The following FMN2 variants were observed in gnomAD, a reference collection of about 807,000 sequenced individuals.
FMN2 encodes formin 2.
FMN2 carries 51 observed loss-of-function variants against 142.3 expected under a neutral mutation model. The observed-to-expected ratio is 0.36, with a 90% CI of 0.29 to 0.45. The LOEUF is 0.45. FMN2 is among the 20% of genes least tolerant of loss of function. The probability of loss-of-function intolerance (pLI) is 1.00; values close to 1 mark genes in which losing one functional copy is unlikely to be tolerated. For missense variants in FMN2, 1,936 were observed against 2,122.8 expected (o/e 0.91, Z 1.73); for synonymous variants, 882 against 869.8 (o/e 1.01, Z -0.25).
At chr1:240,108,365 A>G (rs1044781638) in intron 1 of FMN2, among the ~76,000 whole-genome samples, 2 of 152,196 alleles carry the variant, frequency 1.3e-5, no homozygotes, top group African/African-American at 4.8e-5. Context: ...TTTCTATTTG[A>G]TCATAAATGG....
At chr1:240,269,844 A>G (rs1198197462) in intron 7 of FMN2, among the ~76,000 whole-genome samples, 3 of 151,822 alleles carry the variant, frequency 2.0e-5, no homozygotes, top group African/African-American at 7.3e-5. Flanking sequence ...GACTGTTGTT[A>G]GTGTATAGAA....
intron 8 of FMN2, among the ~76,000 whole-genome samples, chr1:240,327,187 T>G (rs1208624782): frequency 6.6e-6 from 1 of 152,204 alleles, no homozygotes; most frequent in African/African-American, 2.4e-5. Context: ...ATATTTGCAG[T>G]GAAATGTACC....
At position 240,093,045 on chromosome 1, in the gene FMN2, C is replaced by G. The variant is rs934144264; in HGVS notation, c.936C>G (p.Pro312=). The G allele has an allele frequency of 2.2e-6, 3 of 1,392,974 alleles. No individual in the cohort carries two copies. Among genetic ancestry groups the G allele is most frequent in the African/African-American group, 3.1e-5 (2 of 65,290 alleles). The allele number at this position is 1,392,974 out of a possible 1,614,324, so 86.3% of individuals were successfully genotyped here. Residue 312 remains proline (P), a synonymous_variant, in exon 1 of 18, where the codon CCC becomes CCG. Transcript: ENST00000319653. ...SEAPSLPAAQ[P]AAKDSPSSTA... ...CGCCCAGTCTCCCGGCAGCGCAACCCGCGGCCAAAGACTCGCCCTCCTCCA... is the reference window on the plus strand; with the variant it reads ...CGCCCAGTCTCCCGGCAGCGCAACCGGCGGCCAAAGACTCGCCCTCCTCCA...
intron 2 of FMN2, among the ~76,000 whole-genome samples, chr1:240,173,542 A>G (rs1157137352): frequency 6.6e-6 from 1 of 152,180 alleles, no homozygotes; most frequent in Non-Finnish European, 1.5e-5. Context: ...TTGAGTGGGT[A>G]GAGCTGGAGA....
At position 240,329,055 on chromosome 1, in the gene FMN2, A is replaced by G. The variant is rs766113839; in HGVS notation, c.4216-21A>G. 4.4e-6 allele frequency: 7 copies of G among 1,608,782 alleles called. No homozygotes were observed. The Admixed American group carries it at 6.7e-5, about 15-fold the overall frequency. On this transcript the variant is annotated intron_variant, in intron 8 of 17. Transcript: ENST00000319653. ...TCAGTTGGCCAGACTTTGAAAAACT[A>G]TTTGGTTTTTGTTTTTCTAGAGAGC... is the stretch of plus-strand genomic sequence containing the variant.
intron 14 of FMN2, among the ~76,000 whole-genome samples, chr1:240,386,235 A>T (rs1179548198): frequency 6.6e-6 from 1 of 152,240 alleles, no homozygotes; most frequent in Admixed American, 6.5e-5. Flanking sequence ...TTAAATGACA[A>T]CTTTAAATGA....
intron 4 of FMN2, among the ~76,000 whole-genome samples, chr1:240,204,332 G>A (rs1352893785): frequency 6.6e-6 from 1 of 152,180 alleles, no homozygotes; most frequent in Non-Finnish European, 1.5e-5. Flanking sequence ...GGGTGCAGTG[G>A]TGTGTGCCTA....
intron 6 of FMN2, among the ~76,000 whole-genome samples, chr1:240,248,895 T>TA (rs1429977993): frequency 2.0e-5 from 3 of 152,010 alleles, no homozygotes; most frequent in Admixed American, 1.3e-4. Context: ...ATATCCTCCT[T>TA]AAAAAGTGGG....
chr1:240,167,874 C>T (rs1381168228), intron 2 of FMN2, among the ~76,000 whole-genome samples: 6 of 151,870 alleles, frequency 4.0e-5, no homozygotes, highest in Non-Finnish European at 8.8e-5. Context: ...GTCAGGAGTT[C>T]GAGACCAGCC....
intron 7 of FMN2, among the ~76,000 whole-genome samples, chr1:240,293,069 T>C (rs1669847702): frequency 6.6e-6 from 1 of 152,136 alleles, no homozygotes. Context: ...ATAACATGTA[T>C]TAAGATATTC....
intron 2 of FMN2, among the ~76,000 whole-genome samples, chr1:240,155,050 C>G (rs1663964819): frequency 6.6e-6 from 1 of 151,886 alleles, no homozygotes; most frequent in East Asian, 2.0e-4. Flanking sequence ...ACCACCACAC[C>G]CTGCTAATTT....
intron 15 of FMN2, among the ~76,000 whole-genome samples, chr1:240,406,012 TG>T (rs1674146237): frequency 7.9e-6 from 1 of 126,120 alleles, no homozygotes; most frequent in Admixed American, 8.6e-5. Context: ...GCCTCAGGAG[TG>T]GGGGAAGCGA....
intron 15 of FMN2, among the ~76,000 whole-genome samples, chr1:240,399,884 A>G (rs1337579015): frequency 6.6e-6 from 1 of 152,178 alleles, no homozygotes; most frequent in Admixed American, 6.5e-5. Flanking sequence ...CTTTGGAAGA[A>G]GTGGACCACT....
chr1:240,462,990 G>A (rs1029901677), intron 16 of FMN2, among the ~76,000 whole-genome samples: 8 of 152,178 alleles, frequency 5.3e-5, no homozygotes, highest in African/African-American at 1.7e-4. Flanking sequence ...TCATAGGACT[G>A]GGAGGTGCTT....
chr1:240,120,170 G>A (rs1284180568), intron 1 of FMN2, among the ~76,000 whole-genome samples: 1 of 152,162 alleles, frequency 6.6e-6, no homozygotes, highest in African/African-American at 2.4e-5. Context: ...TTGTTTTATA[G>A]ACAGAAATAC....
At chr1:240,099,542 C>T (rs769870664) in intron 1 of FMN2, among the ~76,000 whole-genome samples, 2 of 152,064 alleles carry the variant, frequency 1.3e-5, no homozygotes, top group African/African-American at 4.8e-5. Context: ...CATCTGGCTG[C>T]AAACCCCTGA....
chr1:240,414,679 T>C (rs1250768083), intron 15 of FMN2, among the ~76,000 whole-genome samples: 1 of 152,222 alleles, frequency 6.6e-6, no homozygotes, highest in Admixed American at 6.5e-5. Flanking sequence ...TATGGCAACA[T>C]GTAAATAGGA....
At chr1:240,390,601 T>A (rs1673573624) in intron 14 of FMN2, among the ~76,000 whole-genome samples, 1 of 152,236 alleles carries the variant, frequency 6.6e-6, no homozygotes, top group African/African-American at 2.4e-5. Flanking sequence ...AAACATTATG[T>A]ATGATATCAC....
At chr1:240,192,478 A>G (rs1665734785) in intron 4 of FMN2, among the ~76,000 whole-genome samples, 1 of 152,196 alleles carries the variant, frequency 6.6e-6, no homozygotes, top group Non-Finnish European at 1.5e-5. Context: ...ACTCCAAGGC[A>G]AAAGGTAATA....
Sources: allele counts gnomAD v4.1 joint callset (sites outside exome capture counted in the v4.1 genomes callset), GRCh38; gene constraint gnomAD v4.1.1; transcripts MANE v1.5; gene names NCBI Gene and HGNC (gene_info 2026-07-23, HGNC 2026-07-21).